The following CCDC178 variants were observed in gnomAD, a reference collection of about 807,000 sequenced individuals.
CCDC178 encodes the protein coiled-coil domain-containing protein 178.
Under a neutral mutation model 117.4 loss-of-function variants are expected in CCDC178, and 126 were observed. That is an observed-to-expected ratio of 1.07 (90% CI 0.93 to 1.24). The LOEUF (loss-of-function observed/expected upper bound fraction) is 1.24. Among genes scored for constraint, CCDC178 ranks in the 50% most tolerant of loss-of-function variants. The pLI, the probability that CCDC178 is intolerant of heterozygous loss-of-function variation, is 0.00. For missense variants in CCDC178, 1,030 were observed against 986.9 expected (o/e 1.04, Z -0.59); for synonymous variants, 283 against 313.4 (o/e 0.90, Z 1.02).
At chr18:33,001,357 C>G (rs1237213043) in intron 21 of CCDC178, among the ~76,000 whole-genome samples, 1 of 151,620 alleles carries the variant, frequency 6.6e-6, no homozygotes, top group East Asian at 1.9e-4. Flanking sequence ...TACTAAAATA[C>G]AAAAAATTAG....
At chr18:33,087,221 C>T (rs1478712176) in intron 21 of CCDC178, among the ~76,000 whole-genome samples, 2 of 151,932 alleles carry the variant, frequency 1.3e-5, no homozygotes, top group African/African-American at 4.8e-5. Context: ...TTGAAAATAC[C>T]CTCAAAACTG....
chr18:33,370,129 T>C lies in CCDC178; in HGVS notation c.269A>G (p.Asn90Ser). 1 of 1,606,308 alleles carries C rather than the reference T, an allele frequency of 6.2e-7. No homozygotes were observed. The highest frequency in any genetic ancestry group is 1.1e-5 in the South Asian group (1 of 89,880). ...TTTGTTGACACAAGGTGCTGGAATA[T>C]TTACTACGGCACAGCTGTGACGTCG... ...PCRRHSCAVV[N>S]IPAPCVNKMI... The change falls in exon 6 of 23, where the codon AAT becomes AGT. Residue 90 changes from asparagine to serine, a missense_variant. Coordinates refer to ENST00000383096, the MANE Select transcript of CCDC178 (RefSeq NM_001105528.4).
intron 2 of CCDC178, among the ~76,000 whole-genome samples, chr18:33,435,531 A>G (rs1019620918): frequency 2.0e-5 from 3 of 151,960 alleles, no homozygotes; most frequent in African/African-American, 7.2e-5. Context: ...ACTACTTCAA[A>G]TCTTTTGTAG....
chr18:33,310,390 A>G (rs947862534), intron 11 of CCDC178, among the ~76,000 whole-genome samples: 22 of 152,342 alleles, frequency 1.4e-4, no homozygotes, highest in South Asian at 1.0e-3. Flanking sequence ...TAAGTTGGCT[A>G]TAATTAAAAA....
At chr18:33,255,932 G>C (rs2059673808) in intron 14 of CCDC178, among the ~76,000 whole-genome samples, 1 of 149,538 alleles carries the variant, frequency 6.7e-6, no homozygotes, top group East Asian at 2.0e-4. Context: ...TAGCATCAAA[G>C]AGGGCATAGA....
Position 33,352,014 on chromosome 18 carries a change from T to C in CCDC178, c.372-3039A>G, listed in dbSNP as rs985949866. Among the ~76,000 whole-genome samples, 4 of 152,248 alleles carry C rather than the reference T, an allele frequency of 2.6e-5. No individual in the cohort carries two copies. The East Asian group carries it at 5.8e-4, about 22-fold the overall frequency. On this transcript the variant is annotated intron_variant, in intron 7 of 22. Coordinates refer to ENST00000383096, the MANE Select transcript of CCDC178 (RefSeq NM_001105528.4). ...GGACTGATGTTAATTCTTCTTTCAATGTTTAGTAGAATTTACCAGTGGAGC... is the reference window on the plus strand; with the variant it reads ...GGACTGATGTTAATTCTTCTTTCAACGTTTAGTAGAATTTACCAGTGGAGC...
At chr18:33,044,539 C>T (rs1033678797) in intron 21 of CCDC178, among the ~76,000 whole-genome samples, 4 of 151,284 alleles carry the variant, frequency 2.6e-5, no homozygotes, top group Admixed American at 6.6e-5. Context: ...CAGATGTTGA[C>T]GATGTGGAGA....
chr18:33,218,054 A>C (rs1454655559), intron 18 of CCDC178, among the ~76,000 whole-genome samples: 1 of 152,086 alleles, frequency 6.6e-6, no homozygotes, highest in Non-Finnish European at 1.5e-5. Context: ...GCAAATATCT[A>C]TTATTTTCTC....
At chr18:33,383,471 G>A (rs1239870845) in intron 5 of CCDC178, among the ~76,000 whole-genome samples, 1 of 151,968 alleles carries the variant, frequency 6.6e-6, no homozygotes, top group African/African-American at 2.4e-5. Context: ...AGAGTTCTCG[G>A]TGGCATCAGG....
At chr18:32,968,944 GTTGT>G (rs2054871867) in intron 22 of CCDC178, among the ~76,000 whole-genome samples, 2 of 151,830 alleles carry the variant, frequency 1.3e-5, no homozygotes, top group African/African-American at 4.8e-5. Flanking sequence ...CCTATATCTA[GTTGT>G]TTGTGTATGT....
Position 33,027,245 on chromosome 18 carries a change from A to T in CCDC178, c.2389-52564T>A, listed in dbSNP as rs148844734. Among the ~76,000 whole-genome samples the T allele has an allele frequency of 1.4e-4, 21 of 151,928 alleles. No individual in the cohort carries two copies. In the East Asian group the frequency reaches 4.1e-3, roughly 29 times the overall value. ...AGGTTAGTAAAAGAATAAATAACTA[A>T]CAAGTTGTTAGTGAGGAGAGTGGAA... is the stretch of plus-strand genomic sequence containing the variant. On this transcript the variant is annotated intron_variant, in intron 21 of 22. Coordinates refer to ENST00000383096, the MANE Select transcript of CCDC178 (RefSeq NM_001105528.4).
intron 12 of CCDC178, among the ~76,000 whole-genome samples, chr18:33,288,186 C>G (rs543840191): frequency 6.6e-6 from 1 of 151,900 alleles, no homozygotes; most frequent in African/African-American, 2.4e-5. Context: ...TTCCCCTCTT[C>G]CCATTTACCT....
chr18:32,994,866 C>A (rs1258654638), intron 21 of CCDC178, among the ~76,000 whole-genome samples: 1 of 152,096 alleles, frequency 6.6e-6, no homozygotes, highest in Non-Finnish European at 1.5e-5. Context: ...AGAATAAGAG[C>A]AGACTTTTAG....
chr18:33,245,098 T>A, intron 15 of CCDC178, 147 bp downstream of exon 15: 1 of 659,668 alleles, frequency 1.5e-6, no homozygotes, highest in Non-Finnish European at 2.3e-6. Flanking sequence ...TGGAGAGAGG[T>A]GGTTTTCTTC....
intron 21 of CCDC178, among the ~76,000 whole-genome samples, chr18:33,011,767 CAAAAAAAAA>C (rs71177899): frequency 1.0e-4 from 3 of 30,014 alleles, no homozygotes; most frequent in Admixed American, 3.9e-4. Flanking sequence ...GAGCAGAATG[CAAAAAAAAA>C]AAAAAAAAAA....
chr18:33,434,230 G>C (rs890815674), intron 2 of CCDC178, among the ~76,000 whole-genome samples: 5 of 152,050 alleles, frequency 3.3e-5, no homozygotes, highest in African/African-American at 1.2e-4. Context: ...TCTGTGTTTA[G>C]TGAAATAACA....
chr18:33,191,225 G>T (rs901262830), intron 20 of CCDC178, among the ~76,000 whole-genome samples: 32 of 152,062 alleles, frequency 2.1e-4, no homozygotes, highest in African/African-American at 7.5e-4. Context: ...TACTGGATTT[G>T]CCATATTTAT....
chr18:33,143,280 A>C lies in CCDC178; in HGVS notation c.2239-50370T>G, dbSNP rs77096221. On this transcript the variant is annotated intron_variant, in intron 20 of 22. Transcript: ENST00000383096. ...CCATCACACTGGAAAGTATCTTTTC[A>C]GTGAAGAAGAGCACAAGAATTTTAT... Among the ~76,000 whole-genome samples, 7 of 152,312 alleles carry C rather than the reference A, an allele frequency of 4.6e-5. No homozygotes were observed. The East Asian group carries it at 1.4e-3, about 29-fold the overall frequency.
intron 5 of CCDC178, among the ~76,000 whole-genome samples, chr18:33,377,264 T>C (rs1403517575): frequency 2.0e-5 from 3 of 150,088 alleles, no homozygotes; most frequent in Non-Finnish European, 4.5e-5. Flanking sequence ...GAAAAGTGTT[T>C]ATGTCTTTTG....
Sources: gnomAD v4.1 joint callset for allele counts (sites outside exome capture counted in the v4.1 genomes callset) on GRCh38, gnomAD v4.1.1 for gene constraint, MANE v1.5 for transcripts, NCBI Gene and HGNC (gene_info 2026-07-23, HGNC 2026-07-21) for gene names.